The following HMCN2 variants were observed in gnomAD, a reference collection of about 807,000 sequenced individuals.
The protein encoded by HMCN2 is hemicentin 2.
In HMCN2, 325 loss-of-function variants were observed where a neutral mutation model predicts 377.5. The ratio of observed to expected loss-of-function variants is 0.86; its 90% CI spans 0.79 to 0.94. The LOEUF is 0.94. Ranked by LOEUF, HMCN2 falls within the 40% of genes least tolerant of loss-of-function variation. The pLI, the probability that HMCN2 is intolerant of heterozygous loss-of-function variation, is 0.00. For missense variants in HMCN2, 4,543 were observed against 4,725.3 expected (o/e 0.96, Z 1.13); for synonymous variants, 2,007 against 2,046.8 (o/e 0.98, Z 0.53).
intron 95 of HMCN2, 28 bp from the exon 96 acceptor site, chr9:130,431,339 A>ACCTGCCCCCCCCC: frequency 6.9e-7 from 1 of 1,447,070 alleles, no homozygotes; most frequent in Non-Finnish European, 9.4e-7. Flanking sequence ...CCCATCCCCC[A>ACCTGCCCCCCCCC]CCTGCCCCAC....
Position 130,345,010 on chromosome 9 carries a change from A to G in HMCN2, c.3830-2156A>G, listed in dbSNP as rs973794649. The stretch of plus-strand genomic sequence containing the variant: ...TATGTGTTGTGTATGTGGTGTGTAT[A>G]GTTTTGGTGTGTGTGTGGTGTGTGC... On this transcript the variant is annotated intron_variant, in intron 25 of 97. Transcript: ENST00000683500. Among the ~76,000 whole-genome samples the G allele has an allele frequency of 9.7e-3, 21 of 2,164 alleles. 4 individuals are homozygous for G. Among genetic ancestry groups the G allele is most frequent in the African/African-American group, 0.036 (21 of 580 alleles). The allele number at this position is 2,164 out of a possible 152,430, so 1.4% of individuals were successfully genotyped here.
At chr9:130,311,780 G>A (rs1318052495) in intron 15 of HMCN2, among the ~76,000 whole-genome samples, 2 of 152,154 alleles carry the variant, frequency 1.3e-5, no homozygotes, top group East Asian at 3.9e-4. Context: ...CAGCAGGACG[G>A]CTGCCACCTG....
intron 4 of HMCN2, among the ~76,000 whole-genome samples, chr9:130,289,439 C>T (rs1333083391): frequency 6.6e-6 from 1 of 152,080 alleles, no homozygotes; most frequent in African/African-American, 2.4e-5. Flanking sequence ...TGGACCCCTC[C>T]CAGGGGGAGG....
chr9:130,396,366 G>T, intron 73 of HMCN2, 53 bp downstream of exon 73: 1 of 1,229,156 alleles, frequency 8.1e-7, no homozygotes, highest in Non-Finnish European at 1.1e-6. Flanking sequence ...CCACTTTGTG[G>T]GTTGCAAATC....
At chr9:130,350,484 G>A (rs1839650544) in intron 29 of HMCN2, among the ~76,000 whole-genome samples, 1 of 151,666 alleles carries the variant, frequency 6.6e-6, no homozygotes, top group African/African-American at 2.4e-5. Flanking sequence ...TTGAACCTAG[G>A]AGGTGGAGGT....
intron 80 of HMCN2, 23 bp from the exon 81 acceptor site, chr9:130,404,846 A>G (rs1188953231): frequency 8.2e-7 from 1 of 1,212,380 alleles, no homozygotes; most frequent in Non-Finnish European, 1.1e-6. Context: ...CCCGGTTCCG[A>G]GTGGGCCTCC....
intron 1 of HMCN2, among the ~76,000 whole-genome samples, chr9:130,283,956 G>C (rs1835279457): frequency 6.6e-6 from 1 of 152,194 alleles, no homozygotes; most frequent in African/African-American, 2.4e-5. Flanking sequence ...TGGACCCCAT[G>C]GTAGGTGCAT....
chr9:130,331,874 G>T (rs2131439161), intron 22 of HMCN2, among the ~76,000 whole-genome samples: 1 of 152,290 alleles, frequency 6.6e-6, no homozygotes, highest in Non-Finnish European at 1.5e-5. Flanking sequence ...AGCGCGGTGT[G>T]GGGGCAGTGA....
At chr9:130,367,668 G>A (rs189814158) in intron 43 of HMCN2, among the ~76,000 whole-genome samples, 392 of 152,090 alleles carry the variant, frequency 2.6e-3, no homozygotes, top group Middle Eastern at 6.8e-3. Context: ...GAGGCTGGTC[G>A]CGGTGGCTCA....
At chr9:130,343,027 C>T (rs943409405) in intron 25 of HMCN2, among the ~76,000 whole-genome samples, 5 of 152,228 alleles carry the variant, frequency 3.3e-5, no homozygotes, top group South Asian at 2.1e-4. Flanking sequence ...GTCTGTACAG[C>T]GGGGTTGTAC....
chr9:130,280,882 G>A (rs571858619), intron 1 of HMCN2, among the ~76,000 whole-genome samples: 1 of 152,106 alleles, frequency 6.6e-6, no homozygotes, highest in African/African-American at 2.4e-5. Flanking sequence ...AATGCAGGCG[G>A]ATCATGAGGT....
chr9:130,342,631 A>G (rs1839119898), intron 25 of HMCN2, among the ~76,000 whole-genome samples, 195 bp downstream of exon 25: 1 of 152,110 alleles, frequency 6.6e-6, no homozygotes, highest in African/African-American at 2.4e-5. Flanking sequence ...ATTAGGGGCA[A>G]TCCAGGCCCA....
chr9:130,429,316 C>T, intron 93 of HMCN2: 3 of 573,680 alleles, frequency 5.2e-6, no homozygotes, highest in South Asian at 4.2e-5. Flanking sequence ...TCAGCGGAAC[C>T]CAGGACTCTG....
At chr9:130,407,486 T>C in intron 82 of HMCN2, 85 bp from the exon 83 acceptor site, 1 of 1,181,060 alleles carries the variant, frequency 8.5e-7, no homozygotes. Context: ...TCTGCATTTT[T>C]ATTAAGTTCC....
At chr9:130,391,837 G>A (rs1028125501) in intron 65 of HMCN2, 98 bp from the exon 66 acceptor site, 1 of 745,978 alleles carries the variant, frequency 1.3e-6, no homozygotes, top group Non-Finnish European at 1.6e-6. Flanking sequence ...GTTGCTGGCG[G>A]CAGAAGTCCA....
At position 130,325,600 on chromosome 9, in the gene HMCN2, C is replaced by T. The variant is rs1311878341; in HGVS notation, c.2926C>T (p.Pro976Ser). 1 of 152,288 alleles carries T rather than the reference C, an allele frequency of 6.6e-6. No individual in the cohort carries two copies. Among genetic ancestry groups the T allele is most frequent in the African/African-American group, 2.4e-5 (1 of 41,462 alleles). 9.4% of individuals were successfully genotyped at this position (152,288 alleles called of 1,614,324 possible). A position where few individuals can be genotyped will look rare whatever the true frequency, so the allele number is the denominator to read the frequency against. Residue 976 changes from proline (P) to serine (S), a missense_variant, in exon 20 of 98, where the codon CCT (proline) becomes TCT (serine). Around this residue, in one of 5 missense-constraint regions of HMCN2, gnomAD observed 547 missense variants for 189.9 expected, o/e 2.88. Coordinates refer to ENST00000683500, the MANE Select transcript of HMCN2 (RefSeq NM_001291815.2). ...RDVELVVQVP[P>S]RIHPTATHHI... Reference sequence around the variant, plus strand: ...CATTGGTTTATTTATAACAGTGCCACCTAGAATCCATCCCACTGCCACCCA... The same window carrying T: ...CATTGGTTTATTTATAACAGTGCCATCTAGAATCCATCCCACTGCCACCCA...
At chr9:130,429,757 C>T (rs1844626577) in intron 94 of HMCN2, 72 bp downstream of exon 94, 4 of 1,299,434 alleles carry the variant, frequency 3.1e-6, no homozygotes, top group Non-Finnish European at 4.1e-6. Context: ...GGGCCCCAGC[C>T]TGCCCTGCCT....
In HMCN2 at chr9:130,372,292, A is replaced by T; in HGVS notation, c.7238-2A>T. ...TTGGGGCCCACGCCCCTCCCTCCCCAGGTGGCTGGATGCTGAAGATGACTC... is the reference window on the plus strand; with the variant it reads ...TTGGGGCCCACGCCCCTCCCTCCCCTGGTGGCTGGATGCTGAAGATGACTC... On this transcript the variant is annotated splice_acceptor_variant, in intron 46 of 97. Coordinates refer to ENST00000683500, the MANE Select transcript of HMCN2 (RefSeq NM_001291815.2). LOFTEE classifies it high-confidence loss of function. 1.0e-6 allele frequency: 1 copy of T among 983,380 alleles called. No homozygotes were observed. The highest frequency in any genetic ancestry group is 1.2e-6 in the Non-Finnish European group (1 of 827,668). The allele number at this position is 983,380 out of a possible 1,614,324, so 60.9% of individuals were successfully genotyped here.
At position 130,423,592 on chromosome 9, in the gene HMCN2, G is replaced by A. The variant is rs1844140463; in HGVS notation, c.13381+866G>A. 6.6e-6 allele frequency among the ~76,000 whole-genome samples: 1 copy of A among 152,232 alleles called. No individual in the cohort carries two copies. The highest frequency in any genetic ancestry group is 6.5e-5 in the Admixed American group (1 of 15,292). ...TGAAACAGACGCACAGAGAGGCTGGGAAGGTGGTGCCCATGCACAGGGGCC... is the reference window on the plus strand; with the variant it reads ...TGAAACAGACGCACAGAGAGGCTGGAAAGGTGGTGCCCATGCACAGGGGCC... On this transcript the variant is annotated intron_variant, in intron 87 of 97. Coordinates refer to ENST00000683500, the MANE Select transcript of HMCN2 (RefSeq NM_001291815.2). This position sits in a 1 kb window ranked among gnomAD's most constrained non-coding sequence, Gnocchi z 5.5.
Sources: gnomAD v4.1 joint callset for allele counts (sites outside exome capture counted in the v4.1 genomes callset) on GRCh38, gnomAD v4.1.1 for gene constraint, gnomAD v4.1.1 regional missense constraint, Gnocchi (gnomAD v3.1) non-coding constraint, MANE v1.5 for transcripts, NCBI Gene and HGNC (gene_info 2026-07-23, HGNC 2026-07-21) for gene names.